Variants in SNAP23 observed in about 807,000 individuals in gnomAD.
SNAP23 encodes synaptosome associated protein 23.
SNAP23 carries 11 observed loss-of-function variants against 29.0 expected under a neutral mutation model. The ratio of observed to expected loss-of-function variants is 0.38; its 90% CI spans 0.24 to 0.63. SNAP23 has a LOEUF of 0.63. SNAP23 is among the 20% of genes least tolerant of loss of function. The pLI, the probability that SNAP23 is intolerant of heterozygous loss-of-function variation, is 0.58. For missense variants in SNAP23, 220 were observed against 253.9 expected (o/e 0.87, Z 0.91); for synonymous variants, 60 against 82.9 (o/e 0.72, Z 1.50).
chr15:42,496,378 C>G (rs1308314717), intron 1 of SNAP23, among the ~76,000 whole-genome samples: 2 of 152,042 alleles, frequency 1.3e-5, no homozygotes, highest in Non-Finnish European at 1.5e-5. Flanking sequence ...TATTTGTCAT[C>G]TCCTGGAATG....
intron 1 of SNAP23, among the ~76,000 whole-genome samples, chr15:42,508,798 A>T (rs2057335523): frequency 6.6e-6 from 1 of 152,232 alleles, no homozygotes; most frequent in Admixed American, 6.5e-5. Flanking sequence ...TAGGAATAGA[A>T]TTACAAAATT....
intron 5 of SNAP23, among the ~76,000 whole-genome samples, chr15:42,519,055 CTTTT>C (rs34865842): frequency 7.6e-6 from 1 of 130,722 alleles, no homozygotes; most frequent in Non-Finnish European, 1.6e-5. Context: ...GTTTCTTCTT[CTTTT>C]TTTTTTTTTT....
chr15:42,494,854 T>G (rs138333189), upstream of SNAP23, among the ~76,000 whole-genome samples: 1 of 152,250 alleles, frequency 6.6e-6, no homozygotes, highest in East Asian at 1.9e-4. Context: ...GCAGTTTATT[T>G]TATTCTTAGA....
chr15:42,503,558 C>T (rs561832880), intron 1 of SNAP23, among the ~76,000 whole-genome samples: 39 of 152,146 alleles, frequency 2.6e-4, no homozygotes, highest in Non-Finnish European at 4.6e-4. Flanking sequence ...TTAGTAGAGA[C>T]GGGGTTTTGC....
chr15:42,527,724 G>A (rs1402036425), intron 5 of SNAP23, among the ~76,000 whole-genome samples: 1 of 151,578 alleles, frequency 6.6e-6, no homozygotes, highest in African/African-American at 2.4e-5. Flanking sequence ...GAGCTCAAGC[G>A]ATCCACCCGC....
Position 42,531,330 on chromosome 15 carries a change from G to C in SNAP23, c.571-83G>C, listed in dbSNP as rs114948863. 2,156 of 826,912 alleles carry C rather than the reference G, an allele frequency of 2.6e-3. 24 individuals are homozygous for C. The African/African-American group carries it at 0.035, about 13-fold the overall frequency. The allele number at this position is 826,912 out of a possible 1,614,324, so 51.2% of individuals were successfully genotyped here. On this transcript the variant is annotated intron_variant, in intron 7 of 7. Transcript: ENST00000249647. ...ACGTGGTTTCTTGGATTTTCTTGGT[G>C]TGTCAGTTACTCCAAGTGTAAAAAG...
Position 42,513,431 on chromosome 15 carries a change from G to A in SNAP23, c.132G>A (p.Met44Ile). Reference protein sequence around the residue: ...SQDAGIKTITMLDEQKEQLNR... With the variant: ...SQDAGIKTITILDEQKEQLNR... Reference sequence around the variant, plus strand: ...ATGCAGGAATCAAGACCATCACTATGCTGGATGAACAAAAGGGTAAGTTAA... The same window carrying A: ...ATGCAGGAATCAAGACCATCACTATACTGGATGAACAAAAGGGTAAGTTAA... The change falls in exon 4 of 8, where the codon ATG (methionine) becomes ATA (isoleucine). Residue 44 changes from methionine to isoleucine, a missense_variant. Transcript: ENST00000249647. 1 of 1,613,646 alleles carries A rather than the reference G, an allele frequency of 6.2e-7. No individual in the cohort carries two copies. The highest frequency in any genetic ancestry group is 8.5e-7 in the Non-Finnish European group (1 of 1,179,612).
intron 1 of SNAP23, among the ~76,000 whole-genome samples, chr15:42,507,494 A>G (rs2057325144): frequency 6.6e-6 from 1 of 152,226 alleles, no homozygotes; most frequent in Non-Finnish European, 1.5e-5. Context: ...ATAAGTTCCC[A>G]GCAGCACTGG....
In SNAP23 at chr15:42,513,423, A is replaced by T; in HGVS notation, c.124A>T (p.Ile42Phe). The change falls in exon 4 of 8, where the codon ATC becomes TTC. Residue 42 changes from isoleucine (I) to phenylalanine (F), a missense_variant. Coordinates refer to ENST00000249647, the MANE Select transcript of SNAP23 (RefSeq NM_003825.4). ...IESQDAGIKTITMLDEQKEQL... is the reference protein window; with the variant it reads ...IESQDAGIKTFTMLDEQKEQL... ...GTCTCAGGATGCAGGAATCAAGACC[A>T]TCACTATGCTGGATGAACAAAAGGG... 6.2e-7 allele frequency: 1 copy of T among 1,613,912 alleles called. No homozygotes were observed. Among genetic ancestry groups the T allele is most frequent in the Non-Finnish European group, 8.5e-7 (1 of 1,179,816 alleles).
intron 5 of SNAP23, among the ~76,000 whole-genome samples, chr15:42,525,544 A>G (rs1007444868): frequency 4.8e-5 from 6 of 125,670 alleles, no homozygotes; most frequent in African/African-American, 1.8e-4. Context: ...GCTCACTGCA[A>G]CCTCTGCCTC....
chr15:42,523,157 TG>T (rs544537748), intron 5 of SNAP23, among the ~76,000 whole-genome samples: 83 of 151,802 alleles, frequency 5.5e-4, no homozygotes, highest in Admixed American at 5.0e-3. Flanking sequence ...TTGCCATTTT[TG>T]AATGAGACGT....
intron 1 of SNAP23, among the ~76,000 whole-genome samples, chr15:42,506,394 C>A (rs1442210386): frequency 6.6e-6 from 1 of 152,130 alleles, no homozygotes; most frequent in African/African-American, 2.4e-5. Context: ...CTGGTCACCA[C>A]ACCTGGCTAT....
intron 3 of SNAP23, 38 bp from the exon 4 acceptor site, chr15:42,513,361 G>T: frequency 6.3e-7 from 1 of 1,594,160 alleles, no homozygotes; most frequent in East Asian, 2.2e-5. Context: ...TTTTTGGTTT[G>T]TTTTGTTGTA....
intron 6 of SNAP23, among the ~76,000 whole-genome samples, chr15:42,529,124 C>T (rs1198499121): frequency 1.3e-5 from 2 of 152,166 alleles, no homozygotes; most frequent in Non-Finnish European, 2.9e-5. Flanking sequence ...TGCAATTACT[C>T]AACTCTGTTG....
At chr15:42,500,389 C>CT (rs769547908) in intron 1 of SNAP23, among the ~76,000 whole-genome samples, 16,490 of 138,576 alleles carry the variant, frequency 0.12, 1,087 homozygotes, top group Non-Finnish European at 0.15. Context: ...TTTCTTTTCC[C>CT]TTTTTTTTTT....
At position 42,528,420 on chromosome 15, in the gene SNAP23, G is replaced by T; in HGVS notation, c.425G>T (p.Arg142Leu). 1 of 1,613,892 alleles carries T rather than the reference G, an allele frequency of 6.2e-7. No homozygotes were observed. The highest frequency in any genetic ancestry group is 1.1e-5 in the South Asian group (1 of 91,062). ...GCAGCCAGTGGTGGATACATTAAACGGTATGCCAACTCCTCCTGATATTCC... is the reference window on the plus strand; with the variant it reads ...GCAGCCAGTGGTGGATACATTAAACTGTATGCCAACTCCTCCTGATATTCC... ...TGAASGGYIK[R>L]ITNDAREDEM... Residue 142 changes from arginine to leucine, a missense_variant and splice_region_variant, in exon 6 of 8, where the codon CGC (arginine) becomes CTC (leucine). Arg to Leu is a moderately radical substitution (Grantham distance 102). Coordinates refer to ENST00000249647, the MANE Select transcript of SNAP23 (RefSeq NM_003825.4).
At chr15:42,498,869 T>G (rs2057245580) in intron 1 of SNAP23, among the ~76,000 whole-genome samples, 2 of 152,176 alleles carry the variant, frequency 1.3e-5, no homozygotes, top group Non-Finnish European at 2.9e-5. Context: ...GCTTGAATAT[T>G]TGTCTCAGGC....
At chr15:42,515,546 T>G (rs2057391168) in intron 5 of SNAP23, among the ~76,000 whole-genome samples, 192 bp downstream of exon 5, 1 of 152,220 alleles carries the variant, frequency 6.6e-6, no homozygotes, top group Admixed American at 6.5e-5. Flanking sequence ...GACTTACATT[T>G]GACCAATCCT....
At chr15:42,498,575 G>C (rs2141497826) in intron 1 of SNAP23, among the ~76,000 whole-genome samples, 1 of 152,312 alleles carries the variant, frequency 6.6e-6, no homozygotes, top group East Asian at 1.9e-4. Context: ...TGTGATGGGA[G>C]GGGCTGCCAT....
Sources: gnomAD v4.1 joint callset for allele counts (sites outside exome capture counted in the v4.1 genomes callset) on GRCh38, gnomAD v4.1.1 for gene constraint, MANE v1.5 for transcripts, NCBI Gene and HGNC (gene_info 2026-07-23, HGNC 2026-07-21) for gene names.